The following LRP1B variants were observed in gnomAD, a reference collection of about 807,000 sequenced individuals.
The protein encoded by LRP1B is low-density lipoprotein receptor-related protein 1B.
Under a neutral mutation model 556.6 loss-of-function variants are expected in LRP1B, and 217 were observed. The ratio of observed to expected loss-of-function variants is 0.39; its 90% CI spans 0.35 to 0.44. LRP1B has a LOEUF of 0.44. Among genes scored for constraint, LRP1B ranks in the 20% least tolerant of loss-of-function variants. The pLI, the probability that LRP1B is intolerant of heterozygous loss-of-function variation, is 1.00. For missense variants in LRP1B, 5,053 were observed against 5,620.8 expected (o/e 0.90, Z 3.23); for synonymous variants, 2,047 against 1,865.8 (o/e 1.10, Z -2.50).
At chr2:140,599,564 A>C (rs1682574428) in intron 42 of LRP1B, among the ~76,000 whole-genome samples, 1 of 152,078 alleles carries the variant, frequency 6.6e-6, no homozygotes, top group African/African-American at 2.4e-5. Context: ...TTACCAAATA[A>C]TTTTCAAATT....
chr2:141,422,470 T>C (rs895346035), intron 3 of LRP1B, among the ~76,000 whole-genome samples: 6 of 152,214 alleles, frequency 3.9e-5, no homozygotes, highest in South Asian at 4.1e-4. Context: ...CTAACATATT[T>C]TAGAAAACTT....
chr2:140,939,016 C>A (rs961868365), intron 20 of LRP1B, among the ~76,000 whole-genome samples: 2 of 151,834 alleles, frequency 1.3e-5, no homozygotes, highest in Non-Finnish European at 2.9e-5. Context: ...TTACATTGTA[C>A]TAAGAAAATG....
At chr2:142,089,339 A>C (rs1230321594) in intron 1 of LRP1B, among the ~76,000 whole-genome samples, 1 of 152,204 alleles carries the variant, frequency 6.6e-6, no homozygotes, top group Non-Finnish European at 1.5e-5. Context: ...GACAAACATA[A>C]CTATAAGATA....
chr2:142,002,656 C>T (rs1702688821), intron 1 of LRP1B, among the ~76,000 whole-genome samples: 1 of 151,922 alleles, frequency 6.6e-6, no homozygotes, highest in Non-Finnish European at 1.5e-5. Context: ...TGAAACCTCC[C>T]TAAACTACCT....
At chr2:141,696,082 A>C (rs954390999) in intron 2 of LRP1B, among the ~76,000 whole-genome samples, 4 of 151,958 alleles carry the variant, frequency 2.6e-5, no homozygotes, top group African/African-American at 9.6e-5. Flanking sequence ...TAATCAGATA[A>C]CTCAACTCAT....
In LRP1B at chr2:141,133,290, CTT is replaced by C. The variant is rs3063810; in HGVS notation, c.1013+55129_1013+55130del. On this transcript the variant is annotated intron_variant, in intron 7 of 90. Transcript: ENST00000389484. ...ATTATCATAGCTACCTGTAACGTCT[CTT>C]TTTTTTTTTTTTCCACAATACTGTA... Among the ~76,000 whole-genome samples, 463 of 137,246 alleles carry C rather than the reference CTT, an allele frequency of 3.4e-3. 3 individuals are homozygous for C. The highest frequency in any genetic ancestry group is 0.024 in the East Asian group (117 of 4,872). 90.0% of individuals were successfully genotyped at this position (137,246 alleles called of 152,430 possible).
chr2:141,711,518 A>G (rs748057761), intron 2 of LRP1B, among the ~76,000 whole-genome samples: 4 of 152,184 alleles, frequency 2.6e-5, no homozygotes, highest in Non-Finnish European at 5.9e-5. Context: ...GCCATGGAGA[A>G]AGTAGCTGCC....
At chr2:141,488,460 C>G (rs1229678816) in intron 2 of LRP1B, among the ~76,000 whole-genome samples, 2 of 151,988 alleles carry the variant, frequency 1.3e-5, no homozygotes, top group African/African-American at 4.8e-5. Context: ...GCTACTAACT[C>G]CAAAACACTG....
chr2:141,285,923 C>T (rs1313003464), intron 3 of LRP1B, among the ~76,000 whole-genome samples: 13 of 148,946 alleles, frequency 8.7e-5, no homozygotes, highest in Non-Finnish European at 1.6e-4. Context: ...AAAAATTAGC[C>T]GGGCGTAGTG....
intron 83 of LRP1B, among the ~76,000 whole-genome samples, chr2:140,312,466 G>C (rs1343482429): frequency 6.6e-6 from 1 of 151,850 alleles, no homozygotes; most frequent in Non-Finnish European, 1.5e-5. Context: ...ATATACTATA[G>C]AGAATAAATG....
intron 72 of LRP1B, 62 bp downstream of exon 72, chr2:140,364,599 T>C: frequency 6.3e-7 from 1 of 1,579,778 alleles, no homozygotes; most frequent in African/African-American, 1.4e-5. Flanking sequence ...CTTCATTGAT[T>C]CATGCTGGTG....
intron 1 of LRP1B, among the ~76,000 whole-genome samples, chr2:141,981,632 T>C (rs1702044540): frequency 6.6e-6 from 1 of 152,080 alleles, no homozygotes; most frequent in Admixed American, 6.6e-5. Context: ...GAATGGGCAG[T>C]AGTAGGGAGA....
At chr2:140,675,765 AG>A (rs1189972891) in intron 41 of LRP1B, among the ~76,000 whole-genome samples, 3 of 152,198 alleles carry the variant, frequency 2.0e-5, no homozygotes, top group Non-Finnish European at 4.4e-5. Context: ...CAACAGAGCA[AG>A]ACCCTGTGTC....
chr2:140,291,224 G>GCTTACT lies in LRP1B; in HGVS notation c.12967+6578_12967+6583dup, dbSNP rs537817760. Among the ~76,000 whole-genome samples the GCTTACT allele has an allele frequency of 2.2e-3, 325 of 145,688 alleles. 1 individual carries two copies. The highest frequency in any genetic ancestry group is 3.6e-3 in the Non-Finnish European group (236 of 65,984). ...TTTGCATATGCTGTTCCCCCTTGCT[G>GCTTACT]CTTACTCTTCTCATCTCTTGGCTTC... On this transcript the variant is annotated intron_variant, in intron 84 of 90. Transcript: ENST00000389484.
intron 43 of LRP1B, among the ~76,000 whole-genome samples, chr2:140,553,667 C>CAAT (rs1574073334): frequency 6.6e-6 from 1 of 151,990 alleles, no homozygotes; most frequent in East Asian, 1.9e-4. Context: ...GCTCAAATTA[C>CAAT]AATACTTTGA....
Position 140,364,726 on chromosome 2 carries a change from T to C in LRP1B, c.11066A>G (p.His3689Arg). 2 of 1,610,300 alleles carry C rather than the reference T, an allele frequency of 1.2e-6. No individual in the cohort carries two copies. The highest frequency in any genetic ancestry group is 2.2e-5 in the East Asian group (1 of 44,752). Residue 3689 changes from histidine to arginine, a missense_variant, in exon 72 of 91, where the codon CAT becomes CGT. His to Arg is a conservative substitution (Grantham distance 29). Transcript: ENST00000389484. ...GTCCTCTCCATCACACACCCAGAAA[T>C]GTAGTTTGCAGAGAGAATTATTGCA... ...FLCNNSLCKL[H>R]FWVCDGEDDC...
At chr2:140,656,400 A>C (rs1684880833) in intron 41 of LRP1B, among the ~76,000 whole-genome samples, 1 of 152,194 alleles carries the variant, frequency 6.6e-6, no homozygotes, top group South Asian at 2.1e-4. Context: ...CACAATGTAT[A>C]TTATTGTAAG....
intron 1 of LRP1B, among the ~76,000 whole-genome samples, chr2:141,963,588 G>A (rs578148232): frequency 8.1e-4 from 123 of 151,804 alleles, no homozygotes; most frequent in African/African-American, 2.6e-3. Context: ...TTGATGGGTC[G>A]TATTTCAAAA....
chr2:141,207,864 T>C (rs1426330845), intron 6 of LRP1B, among the ~76,000 whole-genome samples: 1 of 152,162 alleles, frequency 6.6e-6, no homozygotes, highest in Non-Finnish European at 1.5e-5. Context: ...TTAGTAAAGA[T>C]GGGGTTTTAC....
Sources: gnomAD v4.1 joint callset for allele counts (sites outside exome capture counted in the v4.1 genomes callset) on GRCh38, gnomAD v4.1.1 for gene constraint, MANE v1.5 for transcripts, NCBI Gene and HGNC (gene_info 2026-07-23, HGNC 2026-07-21) for gene names.